Variants in EPHB4 observed in about 807,000 individuals in gnomAD.
EPHB4 encodes the protein EPH receptor B4.
Under a neutral mutation model 110.6 loss-of-function variants are expected in EPHB4, and 50 were observed. The ratio of observed to expected loss-of-function variants is 0.45; its 90% CI spans 0.36 to 0.57. The LOEUF (loss-of-function observed/expected upper bound fraction) is 0.57. Ranked by LOEUF, EPHB4 falls within the 20% of genes least tolerant of loss-of-function variation. The pLI, the probability that EPHB4 is intolerant of heterozygous loss-of-function variation, is 0.00. For synonymous variants in EPHB4, 592 were observed against 578.4 expected (o/e 1.02, Z -0.34); for missense variants, 1,128 against 1,382.1 (o/e 0.82, Z 2.91).
chr7:100,820,732 AG>A (rs1359579392), intron 4 of EPHB4, among the ~76,000 whole-genome samples: 5 of 152,320 alleles, frequency 3.3e-5, no homozygotes, highest in African/African-American at 9.6e-5. Flanking sequence ...ATGAAACATG[AG>A]GAAAAAAGTT....
intron 7 of EPHB4, among the ~76,000 whole-genome samples, chr7:100,817,788 C>G (rs1050338854): frequency 1.3e-5 from 2 of 151,436 alleles, no homozygotes; most frequent in Non-Finnish European, 2.9e-5. Context: ...CCTCGGCCTC[C>G]CAAAGTGCCG....
intron 12 of EPHB4, among the ~76,000 whole-genome samples, chr7:100,811,662 G>C (rs1364011235): frequency 2.0e-5 from 3 of 151,944 alleles, no homozygotes; most frequent in Non-Finnish European, 4.4e-5. Flanking sequence ...TTGAGGCCAG[G>C]AGTTCAGACC....
At chr7:100,824,750 AC>A (rs1813328710) in intron 1 of EPHB4, 1 of 161,888 alleles carries the variant, frequency 6.2e-6, no homozygotes, top group Admixed American at 5.9e-5. Flanking sequence ...CAGACCAAAC[AC>A]CCCGTCCTTC....
chr7:100,823,260 G>C (rs1011813232), intron 3 of EPHB4, among the ~76,000 whole-genome samples: 1 of 152,190 alleles, frequency 6.6e-6, no homozygotes, highest in Admixed American at 6.5e-5. Context: ...GAACTCCGAA[G>C]ACAAGTAGGG....
At position 100,823,709 on chromosome 7, in the gene EPHB4, A is replaced by G. The variant is rs758020119; in HGVS notation, c.346T>C (p.Tyr116His). Residue 116 changes from tyrosine to histidine, a missense_variant, in exon 3 of 17, where the codon TAT becomes CAT. Tyr to His is a moderately conservative substitution (Grantham distance 83). Transcript: ENST00000358173. ...SCKETFTVFY[Y>H]ESDADTATAL... ...GTGGCCGTGTCCGCATCGCTCTCATAGTAGAAGACGGTGAAGGTCTCCTTG... is the reference window on the plus strand; with the variant it reads ...GTGGCCGTGTCCGCATCGCTCTCATGGTAGAAGACGGTGAAGGTCTCCTTG... The G allele has an allele frequency of 2.5e-6, 4 of 1,613,604 alleles. No homozygotes were observed. The highest frequency in any genetic ancestry group is 3.4e-6 in the Non-Finnish European group (4 of 1,179,964).
At position 100,817,261 on chromosome 7, in the gene EPHB4, C is replaced by G; in HGVS notation, c.1519G>C (p.Val507Leu). The part of the protein sequence containing the change: ...LKRGASYLVQ[V>L]RARSEAGYGP... ...TAGCCGGCCTCAGAGCGCGCCCGTA[C>G]CTGCACCAGGTAGCTGGCTCCCCGC... is the stretch of plus-strand genomic sequence containing the variant. Residue 507 changes from valine to leucine, a missense_variant, in exon 8 of 17, where the codon GTA becomes CTA. Coordinates refer to ENST00000358173, the MANE Select transcript of EPHB4 (RefSeq NM_004444.5). 1 of 1,607,474 alleles carries G rather than the reference C, an allele frequency of 6.2e-7. No individual in the cohort carries two copies. Among genetic ancestry groups the G allele is most frequent in the Non-Finnish European group, 8.5e-7 (1 of 1,177,768 alleles).
intron 4 of EPHB4, among the ~76,000 whole-genome samples, chr7:100,821,917 T>C (rs1004644667): frequency 6.6e-6 from 1 of 152,036 alleles, no homozygotes; most frequent in Non-Finnish European, 1.5e-5. Context: ...TCCCAGCACT[T>C]TGGGAGGCCG....
At position 100,826,446 on chromosome 7, in the gene EPHB4, G is replaced by T. The variant is rs571277811; in HGVS notation, c.52+533C>A. Reference sequence around the variant, plus strand: ...GGGCAGGAGCAGTGGGCGGGAGAGCGGTTTGGGGGTTTGCTGTGTGAATGC... The same window carrying T: ...GGGCAGGAGCAGTGGGCGGGAGAGCTGTTTGGGGGTTTGCTGTGTGAATGC... On this transcript the variant is annotated intron_variant, in intron 1 of 16. Coordinates refer to ENST00000358173, the MANE Select transcript of EPHB4 (RefSeq NM_004444.5). 5.9e-5 allele frequency among the ~76,000 whole-genome samples: 9 copies of T among 152,162 alleles called. No individual in the cohort carries two copies. The East Asian group carries it at 1.7e-3, about 29-fold the overall frequency.
chr7:100,823,585 G>C, intron 3 of EPHB4, 59 bp downstream of exon 3: 1 of 1,574,372 alleles, frequency 6.4e-7, no homozygotes, highest in East Asian at 2.3e-5. Context: ...TCCAGGCCAC[G>C]GGCCTGCTGG....
rs965839394 is a variant in EPHB4 at position 100,827,522 on chromosome 7, C to A, written c.-492G>T. ...GGGCAGGGGCTGAGCTGCGCTGGAA[C>A]TGGGCCGGGCGGCGCCGGGCCCGGG... On this transcript the variant is annotated 5_prime_UTR_variant, in exon 1 of 17. Transcript: ENST00000358173. 1 of 150,262 alleles carries A rather than the reference C, an allele frequency of 6.7e-6. No homozygotes were observed. The highest frequency in any genetic ancestry group is 1.5e-5 in the Non-Finnish European group (1 of 67,354). The allele number at this position is 150,262 out of a possible 1,614,324, so 9.3% of individuals were successfully genotyped here.
rs549742543 is a variant in EPHB4 at position 100,805,582 on chromosome 7, C to T, written c.2597G>A (p.Arg866His). Residue 866 changes from arginine to histidine, a missense_variant, in exon 15 of 17, where the codon CGC becomes CAC. Transcript: ENST00000358173. ...CWQKDRNARP[R>H]FPQVVSALDK... The stretch of plus-strand genomic sequence containing the variant: ...CAGGGCGCTGACCACCTGGGGGAAG[C>T]GGGGCCGGGCATTCCGGTCTTTCTG... 1.2e-5 allele frequency: 19 copies of T among 1,550,002 alleles called. No individual in the cohort carries two copies. Among genetic ancestry groups the T allele is most frequent in the South Asian group, 8.6e-5 (7 of 81,512 alleles).
rs1009802319 is a variant in EPHB4, at chr7:100,817,111, G to A, written c.1588+81C>T. 21 of 1,042,668 alleles carry A rather than the reference G, an allele frequency of 2.0e-5. No individual in the cohort carries two copies. The South Asian group carries it at 3.8e-4, about 19-fold the overall frequency. 64.6% of individuals were successfully genotyped at this position (1,042,668 alleles called of 1,614,324 possible). On this transcript the variant is annotated intron_variant, in intron 8 of 16. Transcript: ENST00000358173. ...AAAAAAAAAAAAAAAAAAAGATGAT[G>A]GGACTTTGGAGACCTGGGGTCTTCC... is the stretch of plus-strand genomic sequence containing the variant.
At chr7:100,813,280 T>A in intron 10 of EPHB4, 72 bp from the exon 11 acceptor site, 2 of 1,242,518 alleles carry the variant, frequency 1.6e-6, no homozygotes, top group Non-Finnish European at 2.2e-6. Flanking sequence ...GCTCATAGCT[T>A]TTAGCCCCAA....
intron 10 of EPHB4, 145 bp downstream of exon 10, chr7:100,813,507 A>G: frequency 1.2e-6 from 1 of 822,194 alleles, no homozygotes; most frequent in Non-Finnish European, 1.9e-6. Context: ...ATAGAGATGG[A>G]GTTTCAACAT....
intron 13 of EPHB4, among the ~76,000 whole-genome samples, 154 bp downstream of exon 13, chr7:100,807,211 C>G (rs1027782993): frequency 1.3e-5 from 2 of 152,218 alleles, no homozygotes; most frequent in African/African-American, 4.8e-5. Flanking sequence ...ATCTGGAAGT[C>G]GGCTTCCTGG....
intron 8 of EPHB4, 87 bp from the exon 9 acceptor site, chr7:100,814,108 C>T: frequency 1.4e-6 from 2 of 1,449,194 alleles, no homozygotes; most frequent in Non-Finnish European, 1.9e-6. Flanking sequence ...ACTGTGATCT[C>T]CTGAGAACAG....
intron 12 of EPHB4, 77 bp from the exon 13 acceptor site, chr7:100,807,657 T>C: frequency 6.8e-7 from 1 of 1,467,766 alleles, no homozygotes; most frequent in Non-Finnish European, 9.3e-7. Context: ...TCTTTTTTTT[T>C]TAGAGACAGG....
chr7:100,817,390 C>G, intron 7 of EPHB4, 33 bp from the exon 8 acceptor site: 1 of 1,514,930 alleles, frequency 6.6e-7, no homozygotes. Flanking sequence ...TGGCCGTCAC[C>G]CGGGAACCCA....
At position 100,822,966 on chromosome 7, in the gene EPHB4, C is replaced by T. The variant is rs913287356; in HGVS notation, c.412-299G>A. On this transcript the variant is annotated intron_variant, in intron 3 of 16. Transcript: ENST00000358173. The surrounding 1 kb of genome is among the most constrained non-coding windows in gnomAD (Gnocchi z 4.7). ...CTTGACCTCAGAGTCAAGGAGACAGCGATGAATGAATCCTGGGGAAGTTAT... is the reference window on the plus strand; with the variant it reads ...CTTGACCTCAGAGTCAAGGAGACAGTGATGAATGAATCCTGGGGAAGTTAT... 6.6e-6 allele frequency among the ~76,000 whole-genome samples: 1 copy of T among 152,062 alleles called. No homozygotes were observed. The highest frequency in any genetic ancestry group is 1.5e-5 in the Non-Finnish European group (1 of 68,018).
Sources: allele counts gnomAD v4.1 joint callset (sites outside exome capture counted in the v4.1 genomes callset), GRCh38; gene constraint gnomAD v4.1.1; non-coding constraint Gnocchi (gnomAD v3.1); transcripts MANE v1.5; gene names NCBI Gene and HGNC (gene_info 2026-07-23, HGNC 2026-07-21).